The following TSPAN9 variants were observed in gnomAD, a reference collection of about 807,000 sequenced individuals.
TSPAN9 encodes the protein tetraspanin-9.
TSPAN9 carries 16 observed loss-of-function variants against 31.0 expected under a neutral mutation model. The ratio of observed to expected loss-of-function variants is 0.52; its 90% confidence interval spans 0.35 to 0.78. The LOEUF (loss-of-function observed/expected upper bound fraction) is 0.78, where lower values mean the gene tolerates loss of function less well. Among genes scored for constraint, TSPAN9 ranks in the 30% least tolerant of loss-of-function variants. The pLI, the probability that TSPAN9 is intolerant of heterozygous loss-of-function variation, is 0.01. For synonymous variants in TSPAN9, 145 were observed against 121.6 expected, an observed-to-expected ratio of 1.19 and a Z score of -1.27; for missense variants, 272 against 312.5, an observed-to-expected ratio of 0.87 and a Z score of 0.98.
intron 3 of TSPAN9, among the ~76,000 whole-genome samples, chr12:3,276,896 A>C (rs1340648275): frequency 6.6e-6 from 1 of 151,886 alleles, no homozygotes; most frequent in Non-Finnish European, 1.5e-5. Context: ...CCCTCCCCTC[A>C]CCTTCCCATG....
chr12:3,114,946 C>T (rs938272995), intron 2 of TSPAN9, among the ~76,000 whole-genome samples: 15 of 151,760 alleles, frequency 9.9e-5, no homozygotes, highest in Non-Finnish European at 1.5e-4. Flanking sequence ...TAGAGTTTGT[C>T]TATCTGAAGA....
At chr12:3,176,197 TCTC>T (rs1349675382) in intron 2 of TSPAN9, among the ~76,000 whole-genome samples, 2 of 152,142 alleles carry the variant, frequency 1.3e-5, no homozygotes, top group South Asian at 2.1e-4. Flanking sequence ...CAGTGCCCCT[TCTC>T]CTCTTGTCTC....
At chr12:3,185,384 A>G (rs544443366) in intron 2 of TSPAN9, among the ~76,000 whole-genome samples, 40 of 152,254 alleles carry the variant, frequency 2.6e-4, no homozygotes, top group African/African-American at 8.7e-4. Flanking sequence ...GGGTGGGGCT[A>G]GGAGTCATTT....
chr12:3,185,519 G>C (rs2098360775), intron 2 of TSPAN9, among the ~76,000 whole-genome samples: 1 of 152,194 alleles, frequency 6.6e-6, no homozygotes, highest in Non-Finnish European at 1.5e-5. Context: ...AGTCTGTGTA[G>C]AGAAGGGGTG....
chr12:3,117,267 G>C (rs1211724430), intron 2 of TSPAN9, among the ~76,000 whole-genome samples: 2 of 152,282 alleles, frequency 1.3e-5, no homozygotes, highest in Non-Finnish European at 2.9e-5. Flanking sequence ...GGAGGGTTTT[G>C]AGTTTTCCTG....
At chr12:3,100,650 C>G (rs1238292075) in intron 2 of TSPAN9, among the ~76,000 whole-genome samples, 1 of 152,286 alleles carries the variant, frequency 6.6e-6, no homozygotes, top group East Asian at 1.9e-4. Context: ...CCCGGGAGTC[C>G]TGCATTATTT....
At chr12:3,279,389 A>G (rs539342995) in intron 5 of TSPAN9, among the ~76,000 whole-genome samples, 1 of 152,344 alleles carries the variant, frequency 6.6e-6, no homozygotes, top group Admixed American at 6.5e-5. Flanking sequence ...GGAAGGAATT[A>G]AGCTACTTGG....
intron 3 of TSPAN9, among the ~76,000 whole-genome samples, chr12:3,217,433 A>G (rs1057261924): frequency 6.6e-6 from 1 of 152,080 alleles, no homozygotes. Flanking sequence ...GGAATGAGCC[A>G]TCCTGCCCAG....
intron 2 of TSPAN9, among the ~76,000 whole-genome samples, chr12:3,126,880 C>T (rs980624929): frequency 1.3e-5 from 2 of 152,064 alleles, no homozygotes; most frequent in African/African-American, 4.8e-5. Context: ...GAGACCCTGT[C>T]TCAAACAAAC....
intron 2 of TSPAN9, among the ~76,000 whole-genome samples, chr12:3,139,365 C>T (rs2098333662): frequency 6.6e-6 from 1 of 152,142 alleles, no homozygotes; most frequent in African/African-American, 2.4e-5. Context: ...CCTCCCCCTC[C>T]CCCTCCTCCC....
intron 1 of TSPAN9, among the ~76,000 whole-genome samples, chr12:3,081,844 G>GTATATATATATATATA (rs57307487): frequency 0.15 from 17,037 of 116,346 alleles, 2,056 homozygotes; most frequent in East Asian, 0.26. Flanking sequence ...GTCTGTGTGT[G>GTATATATATATATATA]TATATATATG....
At position 3,281,741 on chromosome 12, in the gene TSPAN9, A is replaced by G; in HGVS notation, c.572A>G (p.Tyr191Cys). 2 of 1,612,742 alleles carry G rather than the reference A, an allele frequency of 1.2e-6. No individual in the cohort carries two copies. The highest frequency in any genetic ancestry group is 1.7e-6 in the Non-Finnish European group (2 of 1,178,822). Reference sequence around the variant, plus strand: ...GTGGGCCTCGCTCCCCAGGGCTGCTATGAAAAGGTGAAGATGTGGTTCGAT... The same window carrying G: ...GTGGGCCTCGCTCCCCAGGGCTGCTGTGAAAAGGTGAAGATGTGGTTCGAT... ...ATTPLWRTGC[Y>C]EKVKMWFDDN... Residue 191 changes from tyrosine to cysteine, a missense_variant, in exon 8 of 9, where the codon TAT becomes TGT. By Grantham distance (194) the Tyr-to-Cys change is radical. Coordinates refer to ENST00000011898, the MANE Select transcript of TSPAN9 (RefSeq NM_006675.5).
At chr12:3,220,026 T>C (rs1279043682) in intron 3 of TSPAN9, among the ~76,000 whole-genome samples, 2 of 151,708 alleles carry the variant, frequency 1.3e-5, no homozygotes, top group Non-Finnish European at 1.5e-5. Context: ...ATGCTTGTAG[T>C]CCCAGCTGCT....
chr12:3,231,473 A>G (rs56059431), intron 3 of TSPAN9, among the ~76,000 whole-genome samples: 9,186 of 152,292 alleles, frequency 0.06, 373 homozygotes, highest in Non-Finnish European at 0.078. Flanking sequence ...GCCCCGCGTC[A>G]CTACGGAGAG....
chr12:3,163,197 C>G (rs2098346359), intron 2 of TSPAN9, among the ~76,000 whole-genome samples: 1 of 152,204 alleles, frequency 6.6e-6, no homozygotes, highest in South Asian at 2.1e-4. Context: ...TGAGCTCAAG[C>G]TATTCATTTC....
At chr12:3,102,770 C>A (rs1338086645) in intron 2 of TSPAN9, among the ~76,000 whole-genome samples, 1 of 152,158 alleles carries the variant, frequency 6.6e-6, no homozygotes, top group Non-Finnish European at 1.5e-5. Flanking sequence ...AGCTATTGCA[C>A]AGCATGGTGA....
chr12:3,242,502 C>T (rs550392057), intron 3 of TSPAN9, among the ~76,000 whole-genome samples: 1 of 152,386 alleles, frequency 6.6e-6, no homozygotes, highest in South Asian at 2.1e-4. Context: ...GAGTTCTGAA[C>T]AGAGCCCAGA....
At chr12:3,136,312 T>A (rs1391112070) in intron 2 of TSPAN9, among the ~76,000 whole-genome samples, 2 of 151,850 alleles carry the variant, frequency 1.3e-5, no homozygotes, top group Non-Finnish European at 2.9e-5. Flanking sequence ...GGCTCCAGAG[T>A]CCCGGGATAA....
chr12:3,276,116 G>A (rs1377747047), intron 3 of TSPAN9, among the ~76,000 whole-genome samples: 3 of 152,188 alleles, frequency 2.0e-5, no homozygotes, highest in Non-Finnish European at 4.4e-5. Flanking sequence ...ATGCCCACGG[G>A]AAGGTGAGGG....
Sources: allele counts gnomAD v4.1 joint callset (sites outside exome capture counted in the v4.1 genomes callset), GRCh38; gene constraint gnomAD v4.1.1; transcripts MANE v1.5; gene names NCBI Gene and HGNC (gene_info 2026-07-23, HGNC 2026-07-21).